ATF7: variants seen among roughly 807,000 people sequenced by gnomAD.
The protein encoded by ATF7 is cyclic AMP-dependent transcription factor ATF-7.
ATF7 carries 10 observed loss-of-function variants against 50.4 expected under a neutral mutation model. That is an observed-to-expected ratio of 0.20 (90% CI 0.12 to 0.34). ATF7 has a LOEUF of 0.34. Among genes scored for constraint, ATF7 ranks in the 10% least tolerant of loss-of-function variants. ATF7 has a pLI of 1.00. For missense variants in ATF7, 465 were observed against 613.9 expected (o/e 0.76, Z 2.56); for synonymous variants, 201 against 226.4 (o/e 0.89, Z 1.01).
chr12:53,536,610 G>A (rs1017229122), intron 5 of ATF7, among the ~76,000 whole-genome samples: 2 of 151,686 alleles, frequency 1.3e-5, no homozygotes, highest in Admixed American at 6.6e-5. Context: ...ATTGCTGGCC[G>A]GGCGCGGTGG....
rs1938966966 is a variant in ATF7, at chr12:53,532,561, A to G, written c.723T>C (p.Ser241=). 6.2e-7 allele frequency: 1 copy of G among 1,609,624 alleles called. No homozygotes were observed. The highest frequency in any genetic ancestry group is 2.2e-5 in the East Asian group (1 of 44,796). Residue 241 remains serine, a synonymous_variant, in exon 8 of 12, where the codon AGT becomes AGC. Coordinates refer to ENST00000420353, the MANE Select transcript of ATF7 (RefSeq NM_006856.3). ...GGCCAGAGGGAGAAATGGAGCCACTACTGTTAACTGGTGGGCCAGGGATAC... is the reference window on the plus strand; with the variant it reads ...GGCCAGAGGGAGAAATGGAGCCACTGCTGTTAACTGGTGGGCCAGGGATAC... The part of the protein sequence containing the change: ...IPGIPGPPVN[S]SGSISPSGHP...
Position 53,517,446 on chromosome 12 carries a change from G to T in ATF7, c.1235-92C>A, listed in dbSNP as rs926625928. On this transcript the variant is annotated intron_variant, in intron 11 of 11. Transcript: ENST00000420353. ...ACTACCTTTTGCCATAATTCTAAAG[G>T]AGCCCAAAAGGGAAATGAAACCCAT... The T allele has an allele frequency of 5.5e-6, 7 of 1,261,662 alleles. No individual in the cohort carries two copies. In the African/African-American group the frequency reaches 9.0e-5, roughly 16 times the overall value. The allele number at this position is 1,261,662 out of a possible 1,614,324, so 78.2% of individuals were successfully genotyped here. A position where few individuals can be genotyped will look rare whatever the true frequency, so the allele number is the denominator to read the frequency against.
intron 2 of ATF7, among the ~76,000 whole-genome samples, chr12:53,590,414 T>C (rs1942890778): frequency 6.6e-6 from 1 of 152,198 alleles, no homozygotes; most frequent in African/African-American, 2.4e-5. Context: ...AGGCTGCCCA[T>C]GGGAAGAAGG....
intron 3 of ATF7, among the ~76,000 whole-genome samples, chr12:53,552,006 T>C (rs940288141): frequency 2.0e-5 from 3 of 152,150 alleles, no homozygotes; most frequent in Non-Finnish European, 4.4e-5. Flanking sequence ...TCACCCAAAT[T>C]GGCTTAGAAA....
At chr12:53,559,288 C>G (rs144509634) in intron 2 of ATF7, among the ~76,000 whole-genome samples, 1 of 151,514 alleles carries the variant, frequency 6.6e-6, no homozygotes, top group Non-Finnish European at 1.5e-5. Flanking sequence ...GTCTCAAACT[C>G]GTGGGCTCAA....
At chr12:53,593,967 G>A (rs1391468717) in intron 2 of ATF7, among the ~76,000 whole-genome samples, 2 of 152,228 alleles carry the variant, frequency 1.3e-5, no homozygotes, top group East Asian at 3.8e-4. Flanking sequence ...AAAGAAATAC[G>A]CTAACCAGAG....
intron 1 of ATF7, among the ~76,000 whole-genome samples, chr12:53,601,995 A>G (rs776309371): frequency 6.6e-6 from 1 of 152,232 alleles, no homozygotes; most frequent in Non-Finnish European, 1.5e-5. Context: ...TGTGGGAGAA[A>G]TTTCTCATAT....
chr12:53,626,008 G>T (rs1944591666), intron 1 of ATF7: 1 of 152,300 alleles, frequency 6.6e-6, no homozygotes, highest in African/African-American at 2.4e-5. Context: ...AAGGAAGGAG[G>T]CGGGAGTAGG....
chr12:53,556,820 C>G (rs886548964), intron 2 of ATF7, among the ~76,000 whole-genome samples: 1 of 152,092 alleles, frequency 6.6e-6, no homozygotes, highest in African/African-American at 2.4e-5. Flanking sequence ...GTGGGATGGA[C>G]CCCCATAAGA....
At chr12:53,610,829 T>C (rs1240583837) in intron 1 of ATF7, among the ~76,000 whole-genome samples, 2 of 152,134 alleles carry the variant, frequency 1.3e-5, no homozygotes, top group Admixed American at 6.5e-5. Context: ...TTTTTTATGG[T>C]GAGTTTTCTT....
chr12:53,566,836 C>T lies in ATF7; in HGVS notation c.49-14199G>A, dbSNP rs547480276. 3.3e-5 allele frequency among the ~76,000 whole-genome samples: 5 copies of T among 152,292 alleles called. No homozygotes were observed. The South Asian group carries it at 1.0e-3, about 32-fold the overall frequency. On this transcript the variant is annotated intron_variant, in intron 2 of 11. Transcript: ENST00000420353. ...TGGCATGATCTTGGCTCACTGCAAC[C>T]TCTGCCTCCCGGGTTCAAGCAATTC...
downstream of ATF7, among the ~76,000 whole-genome samples, chr12:53,510,030 T>G (rs1325611039): frequency 6.6e-6 from 1 of 152,000 alleles, no homozygotes; most frequent in African/African-American, 2.4e-5. Flanking sequence ...TCATGGTATC[T>G]TGTAGTTTTA....
At chr12:53,556,110 C>T (rs1159341999) in intron 2 of ATF7, among the ~76,000 whole-genome samples, 1 of 152,106 alleles carries the variant, frequency 6.6e-6, no homozygotes, top group Admixed American at 6.6e-5. Context: ...GCCACTGCAC[C>T]CAGCCAAAAA....
chr12:53,565,000 G>A (rs1173262651), intron 2 of ATF7, among the ~76,000 whole-genome samples: 3 of 151,370 alleles, frequency 2.0e-5, no homozygotes, highest in Non-Finnish European at 2.9e-5. Context: ...GTACACCTCT[G>A]TTTTACATTA....
intron 2 of ATF7, among the ~76,000 whole-genome samples, chr12:53,555,339 G>A (rs1024277937): frequency 7.4e-5 from 11 of 148,488 alleles, no homozygotes; most frequent in Non-Finnish European, 1.3e-4. Context: ...AAAAAAAAAA[G>A]AGTGAGGGTT....
chr12:53,594,807 G>C (rs548063921), intron 2 of ATF7, among the ~76,000 whole-genome samples: 2 of 151,218 alleles, frequency 1.3e-5, no homozygotes, highest in African/African-American at 4.9e-5. Context: ...AGAATCGCTT[G>C]AACCTGGGAG....
chr12:53,534,415 T>C (rs772935289), intron 6 of ATF7, 87 bp downstream of exon 6: 248 of 1,563,652 alleles, frequency 1.6e-4, no homozygotes, highest in Non-Finnish European at 1.9e-4. Flanking sequence ...CCTTGGGTAT[T>C]GGAAAACAGT....
At chr12:53,601,774 G>T (rs951570632) in intron 1 of ATF7, among the ~76,000 whole-genome samples, 1 of 152,076 alleles carries the variant, frequency 6.6e-6, no homozygotes, top group Non-Finnish European at 1.5e-5. Context: ...TGCTGCTTTC[G>T]GCCAGTGTTC....
At chr12:53,587,897 A>C (rs984452732) in intron 2 of ATF7, among the ~76,000 whole-genome samples, 3 of 137,838 alleles carry the variant, frequency 2.2e-5, no homozygotes, top group African/African-American at 8.1e-5. Context: ...CCCAGGCTGG[A>C]GTGCAATGGC....
Sources: gnomAD v4.1 joint callset for allele counts (sites outside exome capture counted in the v4.1 genomes callset) on GRCh38, gnomAD v4.1.1 for gene constraint, MANE v1.5 for transcripts, NCBI Gene and HGNC (gene_info 2026-07-23, HGNC 2026-07-21) for gene names.